The following NFIL3 variants were observed in gnomAD, a reference collection of about 807,000 sequenced individuals.
The protein encoded by NFIL3 is nuclear factor, interleukin 3 regulated.
NFIL3 carries 5 observed loss-of-function variants against 10.0 expected under a neutral mutation model. The ratio of observed to expected loss-of-function variants is 0.50; its 90% CI spans 0.26 to 1.06. The LOEUF (loss-of-function observed/expected upper bound fraction) is 1.06, where lower values mean the gene tolerates loss of function less well. NFIL3 is among the 50% of genes least tolerant of loss of function. The pLI is 0.13. For missense variants in NFIL3, 436 were observed against 547.6 expected, an observed-to-expected ratio of 0.80 and a Z score of 2.03; for synonymous variants, 202 against 206.5, an observed-to-expected ratio of 0.98 and a Z score of 0.19.
the NFIL3 span, among the ~76,000 whole-genome samples, chr9:91,455,082 G>A: frequency 3.3e-4 from 50 of 152,138 alleles, no homozygotes; most frequent in Non-Finnish European, 6.9e-4. Flanking sequence ...TTTGTGATAG[G>A]ACTATGAGTT....
At chr9:91,457,443 T>C in the NFIL3 span, among the ~76,000 whole-genome samples, 1 of 152,060 alleles carries the variant, frequency 6.6e-6, no homozygotes, top group African/African-American at 2.4e-5. Flanking sequence ...GTTTTCAGTG[T>C]AGAGGTCACA....
At chr9:91,424,897 C>T (rs190243634), upstream of NFIL3, among the ~76,000 whole-genome samples, 2 of 152,340 alleles carry the variant, frequency 1.3e-5, no homozygotes, top group African/African-American at 2.4e-5. Context: ...CTCCCAAATT[C>T]CCGGGCTACG....
At chr9:91,457,294 A>G in the NFIL3 span, among the ~76,000 whole-genome samples, 2 of 152,034 alleles carry the variant, frequency 1.3e-5, no homozygotes, top group Non-Finnish European at 2.9e-5. Context: ...CATTGAATTT[A>G]TAGATCAATT....
At chr9:91,477,695 A>G in the NFIL3 span, among the ~76,000 whole-genome samples, 4 of 152,256 alleles carry the variant, frequency 2.6e-5, no homozygotes, top group Admixed American at 2.6e-4. Flanking sequence ...ACAGCCAGAG[A>G]TAAAACTAAT....
At chr9:91,417,599 C>A (rs1042204455) in intron 1 of NFIL3, among the ~76,000 whole-genome samples, 1 of 152,106 alleles carries the variant, frequency 6.6e-6, no homozygotes, top group Non-Finnish European at 1.5e-5. Flanking sequence ...TATACATGTA[C>A]AACCCAGAGG....
At position 91,409,426 on chromosome 9, in the gene NFIL3, T is replaced by C; in HGVS notation, c.1309A>G (p.Ile437Val). The C allele has an allele frequency of 1.2e-6, 2 of 1,614,004 alleles. No homozygotes were observed. The highest frequency in any genetic ancestry group is 1.7e-6 in the Non-Finnish European group (2 of 1,179,980). The part of the protein sequence containing the change: ...DPENLYLKQG[I>V]ANLSAEVVSL... The stretch of plus-strand genomic sequence containing the variant: ...ACAACCTCTGCAGATAAGTTTGCTA[T>C]CCCCTGCTTCAAATACAAGTTCTCT... Residue 437 changes from isoleucine (I) to valine (V), a missense_variant, in exon 2 of 2, where the codon ATA becomes GTA. Transcript: ENST00000297689.
chr9:91,427,921 C>T (rs1435214552), upstream of NFIL3, among the ~76,000 whole-genome samples: 2 of 152,146 alleles, frequency 1.3e-5, no homozygotes, highest in African/African-American at 2.4e-5. Flanking sequence ...GCTGGAATTA[C>T]AGGTGTGAGT....
the NFIL3 span, among the ~76,000 whole-genome samples, chr9:91,468,093 A>T: frequency 6.6e-6 from 1 of 152,202 alleles, no homozygotes; most frequent in South Asian, 2.1e-4. Flanking sequence ...CCAGTTCTAG[A>T]TCCTTGAGGA....
At chr9:91,451,854 C>T in the NFIL3 span, among the ~76,000 whole-genome samples, 1 of 152,188 alleles carries the variant, frequency 6.6e-6, no homozygotes, top group South Asian at 2.1e-4. Context: ...TGTCTCTGAC[C>T]CAGGAATCTC....
At chr9:91,453,034 G>C in the NFIL3 span, among the ~76,000 whole-genome samples, 1 of 152,030 alleles carries the variant, frequency 6.6e-6, no homozygotes, top group Admixed American at 6.5e-5. Flanking sequence ...TTGTACAACA[G>C]AAATTTACTT....
intron 1 of NFIL3, among the ~76,000 whole-genome samples, chr9:91,421,141 G>T (rs1350637487): frequency 6.6e-6 from 1 of 151,768 alleles, no homozygotes; most frequent in Non-Finnish European, 1.5e-5. Context: ...AACAGGCGCG[G>T]AGTCAGGCCC....
intron 1 of NFIL3, among the ~76,000 whole-genome samples, chr9:91,421,326 G>A (rs916122062): frequency 2.0e-5 from 3 of 151,758 alleles, no homozygotes; most frequent in Non-Finnish European, 4.4e-5. Flanking sequence ...GGTCCCTAGC[G>A]CCCGGGCTCC....
chr9:91,432,022 A>G, the NFIL3 span, among the ~76,000 whole-genome samples: 33 of 152,218 alleles, frequency 2.2e-4, no homozygotes, highest in South Asian at 6.9e-3. Context: ...TGCTGCTGCA[A>G]GTAAGATGGA....
the NFIL3 span, among the ~76,000 whole-genome samples, chr9:91,447,113 G>A: frequency 6.6e-6 from 1 of 152,102 alleles, no homozygotes; most frequent in Non-Finnish European, 1.5e-5. Flanking sequence ...ACTGCGCCCG[G>A]CCCTGATGTT....
the NFIL3 span, among the ~76,000 whole-genome samples, chr9:91,444,790 T>C: frequency 6.6e-6 from 1 of 152,200 alleles, no homozygotes; most frequent in Non-Finnish European, 1.5e-5. Flanking sequence ...TTAGGATTCT[T>C]GGTGGCAAGA....
upstream of NFIL3, among the ~76,000 whole-genome samples, chr9:91,427,619 TTTGTTG>T (rs139394510): frequency 0.16 from 23,558 of 150,148 alleles, 2,030 homozygotes; most frequent in South Asian, 0.21. Context: ...GCATACCGTT[TTTGTTG>T]TTGTTGTTGT....
rs1266183175 is a variant in NFIL3 at position 91,423,647 on chromosome 9, C to T, written c.-180G>A. On this transcript the variant is annotated 5_prime_UTR_variant, in exon 1 of 2. Transcript: ENST00000297689. The stretch of plus-strand genomic sequence containing the variant: ...GGTGGGCGGAGCGCTTACCGTGTTC[C>T]TGCTCTCGGGCCGGCGAGGAGAAAG... 2 of 146,298 alleles carry T rather than the reference C, an allele frequency of 1.4e-5. No individual in the cohort carries two copies. The highest frequency in any genetic ancestry group is 1.5e-5 in the Non-Finnish European group (1 of 65,750). 9.1% of individuals were successfully genotyped at this position (146,298 alleles called of 1,614,324 possible). A position where few individuals can be genotyped will look rare whatever the true frequency, so the allele number is the denominator to read the frequency against.
the NFIL3 span, among the ~76,000 whole-genome samples, chr9:91,471,504 CT>C: frequency 4.0e-5 from 5 of 125,974 alleles, no homozygotes; most frequent in African/African-American, 1.5e-4. Flanking sequence ...TTTTTTTTTA[CT>C]TTTTTTAAAA....
the NFIL3 span, among the ~76,000 whole-genome samples, chr9:91,437,137 A>T: frequency 2.0e-5 from 3 of 152,160 alleles, no homozygotes; most frequent in Non-Finnish European, 4.4e-5. Context: ...CCCACCGCTC[A>T]TCTCCTGCTG....
Sources: gnomAD v4.1 joint callset for allele counts (sites outside exome capture counted in the v4.1 genomes callset) on GRCh38, gnomAD v4.1.1 for gene constraint, MANE v1.5 for transcripts, NCBI Gene and HGNC (gene_info 2026-07-23, HGNC 2026-07-21) for gene names.